ENTPD1: variants seen among roughly 807,000 people sequenced by gnomAD.
ENTPD1 encodes ectonucleoside triphosphate diphosphohydrolase 1, also known as ATP diphosphohydrolase.
In ENTPD1, 33 loss-of-function variants were observed where a neutral mutation model predicts 57.0. The observed-to-expected ratio is 0.58, with a 90% confidence interval of 0.44 to 0.77. The LOEUF (loss-of-function observed/expected upper bound fraction) is 0.77, where lower values mean the gene tolerates loss of function less well. ENTPD1 is among the 30% of genes least tolerant of loss of function. The pLI, the probability that ENTPD1 is intolerant of heterozygous loss-of-function variation, is 0.00. For missense variants in ENTPD1, 501 were observed against 603.4 expected, an observed-to-expected ratio of 0.83 and a Z score of 1.78; for synonymous variants, 202 against 218.8, an observed-to-expected ratio of 0.92 and a Z score of 0.68.
At chr10:95,739,614 G>T (rs887066281) in intron 1 of ENTPD1, among the ~76,000 whole-genome samples, 1 of 152,158 alleles carries the variant, frequency 6.6e-6, no homozygotes, top group Non-Finnish European at 1.5e-5. Context: ...CACCACATCT[G>T]CAGTTACTTC....
chr10:95,830,110 A>G (rs1250444454), intron 2 of ENTPD1, among the ~76,000 whole-genome samples: 2 of 152,212 alleles, frequency 1.3e-5, no homozygotes, highest in Non-Finnish European at 2.9e-5. Context: ...TTTTTTAAAT[A>G]AATTACCCAG....
chr10:95,867,905 G>A lies in ENTPD1; in HGVS notation c.*1522G>A. The A allele has an allele frequency of 1.0e-6, 1 of 985,406 alleles. No homozygotes were observed. The highest frequency in any genetic ancestry group is 1.2e-6 in the Non-Finnish European group (1 of 829,926). The allele number at this position is 985,406 out of a possible 1,614,324, so 61.0% of individuals were successfully genotyped here. A position where few individuals can be genotyped will look rare whatever the true frequency, so the allele number is the denominator to read the frequency against. ...AATATAAAAACTTAATAAAGCTGTG[G>A]AAAGGAACTCTTAATCTTCTTTTCT... is the stretch of plus-strand genomic sequence containing the variant. On this transcript the variant is annotated 3_prime_UTR_variant, in exon 10 of 10. Transcript: ENST00000371205.
intron 1 of ENTPD1, among the ~76,000 whole-genome samples, chr10:95,731,386 C>A (rs2097988840): frequency 6.6e-6 from 1 of 152,212 alleles, no homozygotes; most frequent in South Asian, 2.1e-4. Flanking sequence ...TACTCTTTAA[C>A]TGAAGATGTA....
At chr10:95,716,444 C>T (rs748266820) in intron 1 of ENTPD1, among the ~76,000 whole-genome samples, 2 of 152,078 alleles carry the variant, frequency 1.3e-5, no homozygotes, top group Non-Finnish European at 2.9e-5. Context: ...CCCAGTGTAA[C>T]GGGTTGAGAG....
At position 95,869,241 on chromosome 10, in the gene ENTPD1, CTTTTTTTTTTTTTTTTT is replaced by C. The variant is rs11312564; in HGVS notation, c.*2868_*2884del. On this transcript the variant is annotated 3_prime_UTR_variant, in exon 10 of 10. Coordinates refer to ENST00000371205, the MANE Select transcript of ENTPD1 (RefSeq NM_001776.6). ...GAAAAAAGATCAGCAGAAGTCATTACTTTTTTTTTTTTTTTTTTTTTTTTTTGAGAGAGAGTCTCACT... is the reference window on the plus strand; with the variant it reads ...GAAAAAAGATCAGCAGAAGTCATTACTTTTTTTTTGAGAGAGAGTCTCACT... 5.7e-6 allele frequency: 4 copies of C among 699,256 alleles called. No homozygotes were observed. In the South Asian group the frequency reaches 2.1e-4, roughly 37 times the overall value. 43.3% of individuals were successfully genotyped at this position (699,256 alleles called of 1,614,324 possible).
rs188449989 is a variant in ENTPD1, at chr10:95,791,815, A to G, written c.17-31422A>G. 5.1e-4 allele frequency among the ~76,000 whole-genome samples: 78 copies of G among 152,284 alleles called. No homozygotes were observed. The highest frequency in any genetic ancestry group is 1.7e-3 in the African/African-American group (72 of 41,564). On this transcript the variant is annotated intron_variant, in intron 1 of 9. Transcript: ENST00000371205. The surrounding 1 kb of genome is among the most constrained non-coding windows in gnomAD (Gnocchi z 4.1). ...TAATTGTCCCAGGTGAGACTACAGA[A>G]AGTCCCCAGGGAACTCTGGAGTGTG... is the stretch of plus-strand genomic sequence containing the variant.
intron 1 of ENTPD1, among the ~76,000 whole-genome samples, chr10:95,747,302 G>C (rs950698973): frequency 2.0e-5 from 3 of 152,094 alleles, no homozygotes; most frequent in Admixed American, 1.3e-4. Flanking sequence ...GAACCTCTTC[G>C]TATATTCATC....
chr10:95,736,987 A>G (rs1399033111), intron 1 of ENTPD1, among the ~76,000 whole-genome samples: 1 of 152,246 alleles, frequency 6.6e-6, no homozygotes, highest in Non-Finnish European at 1.5e-5. Flanking sequence ...GTGTGTGTGC[A>G]TGAAAGAGAG....
rs1251558030 is a variant in ENTPD1, at chr10:95,868,995, A to G, written c.*2612A>G. The stretch of plus-strand genomic sequence containing the variant: ...GGTTGGTTTAGAGGCAGATCCAGCA[A>G]TCTGCTTTGGGCCACTCTGGGTGGG... On this transcript the variant is annotated 3_prime_UTR_variant, in exon 10 of 10. Coordinates refer to ENST00000371205, the MANE Select transcript of ENTPD1 (RefSeq NM_001776.6). 1.0e-6 allele frequency: 1 copy of G among 985,228 alleles called. No individual in the cohort carries two copies. The highest frequency in any genetic ancestry group is 1.2e-6 in the Non-Finnish European group (1 of 829,934). The allele number at this position is 985,228 out of a possible 1,614,324, so 61.0% of individuals were successfully genotyped here.
At chr10:95,756,112 C>T, upstream of ENTPD1, 2 of 1,532,290 alleles carry the variant, frequency 1.3e-6, no homozygotes, top group Non-Finnish European at 1.8e-6. Context: ...TTTAGCCCCT[C>T]CCACGAGCCC....
intron 4 of ENTPD1, among the ~76,000 whole-genome samples, chr10:95,843,571 G>C (rs528494428): frequency 4.6e-5 from 7 of 152,230 alleles, no homozygotes; most frequent in African/African-American, 9.6e-5. Flanking sequence ...GGTGGAGCCA[G>C]GATTCTGAGT....
At chr10:95,768,129 G>T (rs1020548994) in intron 1 of ENTPD1, among the ~76,000 whole-genome samples, 1 of 152,238 alleles carries the variant, frequency 6.6e-6, no homozygotes. Flanking sequence ...GACTCAGTCT[G>T]TTGTAGCAGC....
intron 1 of ENTPD1, among the ~76,000 whole-genome samples, chr10:95,744,313 C>T (rs1325628959): frequency 6.6e-6 from 1 of 151,864 alleles, no homozygotes; most frequent in Non-Finnish European, 1.5e-5. Context: ...TTCCTTTTGC[C>T]TTTGGTCCTG....
the ENTPD1 span, among the ~76,000 whole-genome samples, chr10:95,696,487 C>G: frequency 1.3e-5 from 2 of 152,112 alleles, no homozygotes; most frequent in Non-Finnish European, 2.9e-5. Flanking sequence ...ACCATGTTGG[C>G]TAAGCTGGTC....
chr10:95,725,399 T>C (rs2097982534), intron 1 of ENTPD1, among the ~76,000 whole-genome samples: 1 of 152,210 alleles, frequency 6.6e-6, no homozygotes, highest in Non-Finnish European at 1.5e-5. Flanking sequence ...TATAGTTCTT[T>C]GCATATCTAG....
At chr10:95,804,200 C>T (rs1256177940) in intron 1 of ENTPD1, among the ~76,000 whole-genome samples, 4 of 152,156 alleles carry the variant, frequency 2.6e-5, no homozygotes, top group African/African-American at 9.7e-5. Flanking sequence ...TCTTTTGGTT[C>T]CATAGGAGCT....
chr10:95,701,899 A>G, the ENTPD1 span, among the ~76,000 whole-genome samples: 11 of 152,156 alleles, frequency 7.2e-5, no homozygotes, highest in Admixed American at 2.0e-4. Flanking sequence ...CAACTAGAAT[A>G]CATAGAACAA....
intron 8 of ENTPD1, 42 bp downstream of exon 8, chr10:95,860,624 T>G (rs372193947): frequency 6.5e-7 from 1 of 1,538,688 alleles, no homozygotes; most frequent in African/African-American, 1.4e-5. Context: ...ATGAGTGCCC[T>G]GTGTCGTTGC....
rs188636819 is a variant in ENTPD1 at position 95,821,336 on chromosome 10, A to G, written c.17-1901A>G. ...TGTTGATTTAGCAGCTTAAAATGCC[A>G]TCAAGGACTCACGTTCTCTACATCT... is the stretch of plus-strand genomic sequence containing the variant. On this transcript the variant is annotated intron_variant, in intron 1 of 9. Coordinates refer to ENST00000371205, the MANE Select transcript of ENTPD1 (RefSeq NM_001776.6). Among the ~76,000 whole-genome samples the G allele has an allele frequency of 3.9e-5, 6 of 152,370 alleles. No individual in the cohort carries two copies. The East Asian group carries it at 1.2e-3, about 29-fold the overall frequency.
Sources: gnomAD v4.1 joint callset for allele counts (sites outside exome capture counted in the v4.1 genomes callset) on GRCh38, gnomAD v4.1.1 for gene constraint, Gnocchi (gnomAD v3.1) non-coding constraint, MANE v1.5 for transcripts, NCBI Gene and HGNC (gene_info 2026-07-23, HGNC 2026-07-21) for gene names.